The following DNAH11 variants were observed in gnomAD, a reference collection of about 807,000 sequenced individuals.
The protein encoded by DNAH11 is axonemal beta dynein heavy chain 11.
In DNAH11, 442 loss-of-function variants were observed where a neutral mutation model predicts 526.0. The ratio of observed to expected loss-of-function variants is 0.84; its 90% CI spans 0.78 to 0.91. DNAH11 has a LOEUF of 0.91. Among genes scored for constraint, DNAH11 ranks in the 40% least tolerant of loss-of-function variants. The probability of loss-of-function intolerance (pLI) is 0.00; values close to 1 mark genes in which losing one functional copy is unlikely to be tolerated. For synonymous variants in DNAH11, 2,461 were observed against 1,935.9 expected (o/e 1.27, Z -7.12); for missense variants, 6,989 against 5,448.7 (o/e 1.28, Z -8.90).
intron 61 of DNAH11, among the ~76,000 whole-genome samples, chr7:21,790,886 T>C (rs1788453329): frequency 6.6e-6 from 1 of 152,250 alleles, no homozygotes; most frequent in South Asian, 2.1e-4. Context: ...ATTTAAATTT[T>C]ATCCGATTGG....
intron 42 of DNAH11, among the ~76,000 whole-genome samples, chr7:21,716,856 C>T (rs2128482664): frequency 6.6e-6 from 1 of 152,264 alleles, no homozygotes; most frequent in East Asian, 1.9e-4. Flanking sequence ...ACATAACCGG[C>T]TATTTAATAA....
At chr7:21,817,672 A>G (rs1470034616) in intron 64 of DNAH11, among the ~76,000 whole-genome samples, 1 of 151,960 alleles carries the variant, frequency 6.6e-6, no homozygotes, top group Non-Finnish European at 1.5e-5. Context: ...CAGCCTGGAC[A>G]ACAGAGTGAG....
chr7:21,698,787 G>T (rs1441641721), intron 36 of DNAH11, among the ~76,000 whole-genome samples: 2 of 152,122 alleles, frequency 1.3e-5, no homozygotes, highest in Non-Finnish European at 2.9e-5. Context: ...GCATGTTCAA[G>T]TGTCTTTTTC....
chr7:21,619,954 A>G lies in DNAH11; in HGVS notation c.4378-2A>G. On this transcript the variant is annotated splice_acceptor_variant, in intron 24 of 81. Coordinates refer to ENST00000409508, the MANE Select transcript of DNAH11 (RefSeq NM_001277115.2). LOFTEE classifies it high-confidence loss of function. Reference sequence around the variant, plus strand: ...CACATTAATTATATTGTTGATTACTAGGTTATTACTGAAATCAGTCAGACC... The same window carrying G: ...CACATTAATTATATTGTTGATTACTGGGTTATTACTGAAATCAGTCAGACC... 1 of 1,594,026 alleles carries G rather than the reference A, an allele frequency of 6.3e-7. No homozygotes were observed. Among genetic ancestry groups the G allele is most frequent in the Non-Finnish European group, 8.5e-7 (1 of 1,172,804 alleles).
intron 28 of DNAH11, 30 bp from the exon 29 acceptor site, chr7:21,655,802 T>G: frequency 1.3e-6 from 2 of 1,596,860 alleles, no homozygotes; most frequent in Non-Finnish European, 1.7e-6. Flanking sequence ...GTAAGAAATG[T>G]TCTTATCTTT....
chr7:21,588,013 T>G, intron 9 of DNAH11, 51 bp from the exon 10 acceptor site: 1 of 1,578,350 alleles, frequency 6.3e-7, no homozygotes, highest in Non-Finnish European at 8.6e-7. Flanking sequence ...GAGCTGAGTA[T>G]TTGTTAAAAA....
rs1365145048 is a variant in DNAH11, at chr7:21,765,541, T to C, written c.9054T>C (p.Ala3018=). ...GGTTTCATGCGTGGCCGCAGGAGGC[T>C]CTGGTCTCCGTCAGCAGGAGGTTCA... ...IDWFHAWPQE[A]LVSVSRRFIE... Residue 3018 remains alanine (A), a synonymous_variant, in exon 55 of 82, where the codon GCT becomes GCC. Transcript: ENST00000409508. 1 of 1,610,534 alleles carries C rather than the reference T, an allele frequency of 6.2e-7. No individual in the cohort carries two copies. The highest frequency in any genetic ancestry group is 2.2e-5 in the East Asian group (1 of 44,790).
Position 21,739,614 on chromosome 7 carries a change from C to G in DNAH11, c.7855C>G (p.Gln2619Glu). 1 of 1,612,778 alleles carries G rather than the reference C, an allele frequency of 6.2e-7. No homozygotes were observed. Among genetic ancestry groups the G allele is most frequent in the Non-Finnish European group, 8.5e-7 (1 of 1,179,420 alleles). Residue 2619 changes from glutamine (Q) to glutamate (E), a missense_variant, in exon 48 of 82, where the codon CAG (glutamine) becomes GAG (glutamate). Gln to Glu is a conservative substitution (Grantham distance 29). Coordinates refer to ENST00000409508, the MANE Select transcript of DNAH11 (RefSeq NM_001277115.2). ...GATGCTTAAAGAAATCCATAACTGC[C>G]AGTATGTCGCCTGCATGAATCCGAT... ...KVMLKEIHNCQYVACMNPMVG... is the reference protein window; with the variant it reads ...KVMLKEIHNCEYVACMNPMVG...
chr7:21,712,412 C>G (rs1003286785), intron 42 of DNAH11, among the ~76,000 whole-genome samples: 1 of 152,158 alleles, frequency 6.6e-6, no homozygotes, highest in East Asian at 1.9e-4. Context: ...ATTTCTAGAT[C>G]ATATGTTAAT....
intron 59 of DNAH11, 135 bp downstream of exon 59, chr7:21,786,902 A>G: frequency 1.5e-6 from 2 of 1,314,446 alleles, no homozygotes; most frequent in South Asian, 1.5e-5. Context: ...AATCTACTGT[A>G]TATGTTCTCT....
intron 57 of DNAH11, among the ~76,000 whole-genome samples, chr7:21,781,402 C>T (rs1241645580): frequency 6.6e-6 from 1 of 152,166 alleles, no homozygotes; most frequent in Non-Finnish European, 1.5e-5. Context: ...GCAGTGACTT[C>T]CAAATCACAC....
chr7:21,833,598 G>A (rs890686431), intron 65 of DNAH11, among the ~76,000 whole-genome samples: 1 of 152,150 alleles, frequency 6.6e-6, no homozygotes, highest in East Asian at 1.9e-4. Context: ...GGGAGGCTGA[G>A]GCAGGAGAAT....
intron 25 of DNAH11, among the ~76,000 whole-genome samples, chr7:21,633,892 T>C (rs977284730): frequency 6.6e-6 from 1 of 152,218 alleles, no homozygotes; most frequent in Admixed American, 6.6e-5. Flanking sequence ...AATGACAGGA[T>C]GTCTCTACCA....
At chr7:21,698,246 T>G in intron 36 of DNAH11, 33 bp downstream of exon 36, 1 of 1,609,730 alleles carries the variant, frequency 6.2e-7, no homozygotes, top group Non-Finnish European at 8.5e-7. Context: ...TTCTTGTTTT[T>G]ACATACCATT....
At chr7:21,612,102 A>C (rs1785543435) in intron 20 of DNAH11, among the ~76,000 whole-genome samples, 1 of 152,244 alleles carries the variant, frequency 6.6e-6, no homozygotes, top group African/African-American at 2.4e-5. Flanking sequence ...TATTAATAAG[A>C]AACTTAAAAA....
chr7:21,710,990 G>A (rs1384450630), intron 41 of DNAH11, among the ~76,000 whole-genome samples: 8 of 152,110 alleles, frequency 5.3e-5, no homozygotes, highest in Admixed American at 3.9e-4. Context: ...AGAGGTAGCC[G>A]TAAATTATTG....
intron 30 of DNAH11, among the ~76,000 whole-genome samples, chr7:21,663,689 GT>G (rs1338725131): frequency 4.7e-5 from 7 of 148,956 alleles, no homozygotes; most frequent in South Asian, 2.1e-4. Context: ...TACAGTATTT[GT>G]TTTTCTATGC....
chr7:21,582,723 C>G (rs1461251538), intron 9 of DNAH11, among the ~76,000 whole-genome samples: 1 of 151,990 alleles, frequency 6.6e-6, no homozygotes, highest in African/African-American at 2.4e-5. Flanking sequence ...AATCACAAAT[C>G]AAGTATAAAT....
chr7:21,742,173 T>C lies in DNAH11; in HGVS notation c.8154+7T>C. 1 of 1,613,334 alleles carries C rather than the reference T, an allele frequency of 6.2e-7. No individual in the cohort carries two copies. Among genetic ancestry groups the C allele is most frequent in the South Asian group, 1.1e-5 (1 of 91,042 alleles). On this transcript the variant is annotated splice_region_variant and intron_variant, in intron 49 of 81. Transcript: ENST00000409508. ...TTTATCAAACGTCTTCCAGGTACCT[T>C]GACTGCTCTATGTTATGCCTCTTGA...
Sources: gnomAD v4.1 joint callset for allele counts (sites outside exome capture counted in the v4.1 genomes callset) on GRCh38, gnomAD v4.1.1 for gene constraint, MANE v1.5 for transcripts, NCBI Gene and HGNC (gene_info 2026-07-23, HGNC 2026-07-21) for gene names.